The following PIGN variants were observed in gnomAD, a reference collection of about 807,000 sequenced individuals.
PIGN encodes GPI ethanolamine phosphate transferase 1.
In PIGN, 117 loss-of-function variants were observed where a neutral mutation model predicts 125.4. The ratio of observed to expected loss-of-function variants is 0.93; its 90% CI spans 0.80 to 1.09. The LOEUF is 1.09. PIGN is among the 50% of genes least tolerant of loss of function. The pLI is 0.00. For synonymous variants in PIGN, 392 were observed against 377.8 expected (o/e 1.04, Z -0.44); for missense variants, 1,075 against 1,094.9 (o/e 0.98, Z 0.26).
intron 14 of PIGN, among the ~76,000 whole-genome samples, chr18:62,124,380 T>C (rs185392834): frequency 6.6e-6 from 1 of 152,216 alleles, no homozygotes; most frequent in East Asian, 1.9e-4. Flanking sequence ...TTACATATCA[T>C]TTGAGGCAGA....
chr18:62,099,908 A>C (rs1275452003), intron 22 of PIGN, among the ~76,000 whole-genome samples: 1 of 152,182 alleles, frequency 6.6e-6, no homozygotes, highest in African/African-American at 2.4e-5. Flanking sequence ...TAGTCTGACA[A>C]AGACATTTTG....
intron 23 of PIGN, among the ~76,000 whole-genome samples, chr18:62,030,182 T>A (rs376242501): frequency 1.3e-5 from 2 of 152,322 alleles, no homozygotes; most frequent in East Asian, 3.9e-4. Context: ...ACAAGTGAAA[T>A]GCCACTAGAA....
intron 30 of PIGN, among the ~76,000 whole-genome samples, chr18:62,057,076 G>A (rs760912987): frequency 9.9e-5 from 15 of 151,996 alleles, no homozygotes; most frequent in Non-Finnish European, 2.1e-4. Flanking sequence ...AAATGACTGG[G>A]GACCACTGTA....
intron 23 of PIGN, among the ~76,000 whole-genome samples, chr18:62,024,207 T>C (rs1331348331): frequency 6.6e-6 from 1 of 152,176 alleles, no homozygotes; most frequent in Non-Finnish European, 1.5e-5. Flanking sequence ...AACAAGTAAA[T>C]CAAAAGCATT....
chr18:62,084,404 C>A, intron 27 of PIGN, 127 bp downstream of exon 27: 1 of 595,132 alleles, frequency 1.7e-6, no homozygotes, highest in South Asian at 2.3e-5. Flanking sequence ...GAGGGTCTCA[C>A]CTCCAGTTTA....
chr18:62,115,491 C>T (rs938013089), intron 14 of PIGN, among the ~76,000 whole-genome samples: 3 of 152,098 alleles, frequency 2.0e-5, no homozygotes, highest in Non-Finnish European at 4.4e-5. Flanking sequence ...TAGGTTGGAT[C>T]ACATGAAATT....
intron 14 of PIGN, chr18:62,136,483 G>T (rs964610774): frequency 6.6e-6 from 1 of 152,308 alleles, no homozygotes; most frequent in Non-Finnish European, 1.5e-5. Flanking sequence ...CAAGTAGCTG[G>T]GACTACAGGT....
intron 23 of PIGN, among the ~76,000 whole-genome samples, chr18:62,024,470 T>A (rs546450632): frequency 6.6e-6 from 1 of 152,296 alleles, no homozygotes; most frequent in East Asian, 1.9e-4. Context: ...TCTGATATCA[T>A]TTATACAATC....
At chr18:62,076,395 T>C (rs1187010876) in intron 28 of PIGN, among the ~76,000 whole-genome samples, 1 of 152,246 alleles carries the variant, frequency 6.6e-6, no homozygotes, top group East Asian at 1.9e-4. Flanking sequence ...TTCTAGATAC[T>C]AGTCTTTTGT....
At chr18:62,165,165 G>T (rs2037086762) in intron 1 of PIGN, among the ~76,000 whole-genome samples, 1 of 152,158 alleles carries the variant, frequency 6.6e-6, no homozygotes, top group Admixed American at 6.5e-5. Flanking sequence ...CCCCTTCTCA[G>T]GAATGGGTTG....
intron 7 of PIGN, among the ~76,000 whole-genome samples, chr18:62,149,707 A>T (rs1223268471): frequency 2.6e-5 from 4 of 152,168 alleles, no homozygotes; most frequent in Non-Finnish European, 4.4e-5. Flanking sequence ...ACACTAACAT[A>T]AGGGCGGGAA....
At chr18:62,065,611 C>A (rs941015983) in intron 30 of PIGN, among the ~76,000 whole-genome samples, 6 of 151,886 alleles carry the variant, frequency 4.0e-5, no homozygotes, top group Admixed American at 1.3e-4. Context: ...AGGTGGTGGG[C>A]GCCTGTAGTC....
At chr18:62,157,385 C>A (rs1450505504) in intron 5 of PIGN, among the ~76,000 whole-genome samples, 158 bp from the exon 6 acceptor site, 1 of 151,886 alleles carries the variant, frequency 6.6e-6, no homozygotes, top group Admixed American at 6.6e-5. Context: ...TAAAAAAAAA[C>A]TAACAATAGA....
At chr18:62,063,320 G>GGTTTTATAGATTTTAT (rs2032307246) in intron 30 of PIGN, among the ~76,000 whole-genome samples, 1 of 74,602 alleles carries the variant, frequency 1.3e-5, no homozygotes, top group African/African-American at 5.4e-5. Context: ...ATAGATTTTA[G>GGTTTTATAGATTTTAT]CCAAAATCTA....
At chr18:62,029,324 G>T (rs2030163607) in intron 23 of PIGN, among the ~76,000 whole-genome samples, 1 of 152,010 alleles carries the variant, frequency 6.6e-6, no homozygotes, top group African/African-American at 2.4e-5. Context: ...CTCACCACCT[G>T]CAAAGCCTGA....
At chr18:62,079,374 G>A (rs1454299602) in intron 28 of PIGN, among the ~76,000 whole-genome samples, 15 of 152,074 alleles carry the variant, frequency 9.9e-5, no homozygotes, top group Non-Finnish European at 1.2e-4. Context: ...TACAGTGCCC[G>A]GTATATGATA....
rs373367205 is a variant in PIGN at position 62,101,150 on chromosome 18, A to G, written c.2002T>C (p.Tyr668His). ...CTGAGTAGACTACTCTGAGTGCTAT[A>G]CACAACATACATGGAGAGCACTGTG... ...LSTVLSMYVV[Y>H]STQSSLLRKQ... The change falls in exon 22 of 31, where the codon TAT becomes CAT. Residue 668 changes from tyrosine (Y) to histidine (H), a missense_variant. This residue lies in a region of PIGN where 915 missense variants were observed against 908.7 expected (regional missense o/e 1.01). Coordinates refer to ENST00000640252, the MANE Select transcript of PIGN (RefSeq NM_176787.5). 6.2e-7 allele frequency: 1 copy of G among 1,607,258 alleles called. No homozygotes were observed. Among genetic ancestry groups the G allele is most frequent in the Non-Finnish European group, 8.5e-7 (1 of 1,174,584 alleles).
At chr18:62,145,223 T>C (rs2036280868) in intron 10 of PIGN, among the ~76,000 whole-genome samples, 1 of 152,206 alleles carries the variant, frequency 6.6e-6, no homozygotes, top group Non-Finnish European at 1.5e-5. Flanking sequence ...TTTTCTTTCA[T>C]GCTTAAATAA....
intron 14 of PIGN, among the ~76,000 whole-genome samples, chr18:62,134,481 A>G (rs1291892636): frequency 6.6e-6 from 1 of 152,192 alleles, no homozygotes; most frequent in Non-Finnish European, 1.5e-5. Flanking sequence ...TCATGAAGAC[A>G]ATAGCACCGC....
Sources: gnomAD v4.1 joint callset for allele counts (sites outside exome capture counted in the v4.1 genomes callset) on GRCh38, gnomAD v4.1.1 for gene constraint, gnomAD v4.1.1 regional missense constraint, MANE v1.5 for transcripts, NCBI Gene and HGNC (gene_info 2026-07-23, HGNC 2026-07-21) for gene names.